The following PARPBP variants were observed in gnomAD, a reference collection of about 807,000 sequenced individuals.
PARPBP encodes the protein PCNA-interacting partner.
Under a neutral mutation model 50.0 loss-of-function variants are expected in PARPBP, and 52 were observed. The ratio of observed to expected loss-of-function variants is 1.04; its 90% CI spans 0.83 to 1.31. PARPBP has a LOEUF of 1.31. PARPBP is among the 50% of genes most tolerant of loss of function. The pLI, the probability that PARPBP is intolerant of heterozygous loss-of-function variation, is 0.00. For missense variants in PARPBP, 697 were observed against 672.0 expected (o/e 1.04, Z -0.41); for synonymous variants, 244 against 232.1 (o/e 1.05, Z -0.47).
At chr12:102,148,939 C>A (rs1193360564) in intron 3 of PARPBP, 1 of 152,140 alleles carries the variant, frequency 6.6e-6, no homozygotes, top group Non-Finnish European at 1.5e-5. Flanking sequence ...ATAGACTATT[C>A]TTTTTTTGCA....
intron 9 of PARPBP, among the ~76,000 whole-genome samples, chr12:102,188,485 C>G (rs1890512062): frequency 6.6e-6 from 1 of 152,086 alleles, no homozygotes; most frequent in Admixed American, 6.6e-5. Context: ...TGCAACCCAG[C>G]TCTGATGCAG....
chr12:102,193,875 A>T (rs1891025505), intron 9 of PARPBP, among the ~76,000 whole-genome samples: 1 of 151,968 alleles, frequency 6.6e-6, no homozygotes, highest in South Asian at 2.1e-4. Flanking sequence ...TTCAACTTTT[A>T]AAAAAATAGT....
At chr12:102,172,076 G>A (rs1888810811) in intron 6 of PARPBP, among the ~76,000 whole-genome samples, 1 of 152,154 alleles carries the variant, frequency 6.6e-6, no homozygotes, top group African/African-American at 2.4e-5. Context: ...TTATTGCTTA[G>A]TGTTCTCTTC....
chr12:102,195,894 T>C lies in PARPBP; in HGVS notation c.1400-57T>C, dbSNP rs1891266210. 3.6e-6 allele frequency: 4 copies of C among 1,126,088 alleles called. No individual in the cohort carries two copies. In the South Asian group the frequency reaches 4.9e-5, roughly 14 times the overall value. The allele number at this position is 1,126,088 out of a possible 1,614,324, so 69.8% of individuals were successfully genotyped here. A position where few individuals can be genotyped will look rare whatever the true frequency, so the allele number is the denominator to read the frequency against. Reference sequence around the variant, plus strand: ...TTTAAAGTTTATTGTAAAGTTCTCGTAAATATTAATACTCAATATCATGTA... The same window carrying C: ...TTTAAAGTTTATTGTAAAGTTCTCGCAAATATTAATACTCAATATCATGTA... On this transcript the variant is annotated intron_variant, in intron 10 of 10. Transcript: ENST00000327680.
At chr12:102,158,734 T>C (rs1310158448) in intron 4 of PARPBP, among the ~76,000 whole-genome samples, 1 of 152,216 alleles carries the variant, frequency 6.6e-6, no homozygotes, top group Non-Finnish European at 1.5e-5. Flanking sequence ...GGTAGATTAC[T>C]TAAAGATCTC....
chr12:102,152,917 T>C (rs1203318916), intron 3 of PARPBP, among the ~76,000 whole-genome samples: 1 of 109,674 alleles, frequency 9.1e-6, no homozygotes, highest in Non-Finnish European at 1.9e-5. Flanking sequence ...ATTTTCCAAG[T>C]AGAAGAACAG....
At chr12:102,152,254 T>A (rs1355567065) in intron 3 of PARPBP, among the ~76,000 whole-genome samples, 2 of 152,096 alleles carry the variant, frequency 1.3e-5, no homozygotes, top group East Asian at 3.9e-4. Flanking sequence ...CATAATATAG[T>A]CTAAGTCCAT....
chr12:102,187,549 A>T (rs1470869745), intron 9 of PARPBP, among the ~76,000 whole-genome samples: 2 of 152,152 alleles, frequency 1.3e-5, no homozygotes, highest in South Asian at 2.1e-4. Context: ...AGATGAAGTG[A>T]ACCTTCCTCT....
At chr12:102,154,042 T>C (rs911932730) in intron 4 of PARPBP, 66 bp downstream of exon 4, 3 of 960,610 alleles carry the variant, frequency 3.1e-6, no homozygotes, top group African/African-American at 1.6e-5. Context: ...AATTTGGTGG[T>C]ACCTTAAAGT....
At position 102,147,168 on chromosome 12, in the gene PARPBP, C is replaced by CAA. The variant is rs1285322174; in HGVS notation, c.154-1062_154-1061insAA. ...TGTGGAAGTCAGTGTGGCTATTCCT[C>CAA]GGATCTAGAACTAGAAATACCATTT... On this transcript the variant is annotated intron_variant, in intron 2 of 10. Coordinates refer to ENST00000327680, the MANE Select transcript of PARPBP (RefSeq NM_017915.5). Among the ~76,000 whole-genome samples the CAA allele has an allele frequency of 2.0e-5, 3 of 151,028 alleles. No homozygotes were observed. The South Asian group carries it at 6.2e-4, about 31-fold the overall frequency.
chr12:102,150,457 G>A (rs1204004741), intron 3 of PARPBP: 3 of 336,670 alleles, frequency 8.9e-6, no homozygotes, highest in African/African-American at 6.7e-5. Flanking sequence ...TTTCATATTT[G>A]TTGTAGCTGA....
intron 9 of PARPBP, among the ~76,000 whole-genome samples, chr12:102,188,405 G>A (rs142362352): frequency 9.9e-5 from 15 of 152,124 alleles, no homozygotes; most frequent in East Asian, 1.9e-4. Flanking sequence ...TACAAGGCTC[G>A]CAGTTGAAAG....
chr12:102,143,275 C>A (rs1268142386), intron 2 of PARPBP, among the ~76,000 whole-genome samples: 1 of 152,170 alleles, frequency 6.6e-6, no homozygotes, highest in Non-Finnish European at 1.5e-5. Flanking sequence ...GGGCGTGGGA[C>A]CCTCTTAGCA....
At chr12:102,192,086 CGTT>C (rs1283818192) in intron 9 of PARPBP, among the ~76,000 whole-genome samples, 1 of 151,962 alleles carries the variant, frequency 6.6e-6, no homozygotes, top group Non-Finnish European at 1.5e-5. Flanking sequence ...ATGTAGGTTG[CGTT>C]GTTTAAATAA....
intron 2 of PARPBP, among the ~76,000 whole-genome samples, chr12:102,137,049 G>C (rs555356223): frequency 1.4e-4 from 22 of 152,078 alleles, no homozygotes; most frequent in Non-Finnish European, 2.9e-4. Flanking sequence ...CCGCCTCCTG[G>C]GTTCATGCCA....
chr12:102,153,214 C>T (rs1886444911), intron 3 of PARPBP, among the ~76,000 whole-genome samples: 1 of 152,180 alleles, frequency 6.6e-6, no homozygotes, highest in African/African-American at 2.4e-5. Flanking sequence ...TCTGCCTCCA[C>T]CAATCAGCAG....
intron 2 of PARPBP, among the ~76,000 whole-genome samples, chr12:102,130,785 G>T (rs1882725520): frequency 1.3e-5 from 2 of 151,732 alleles, no homozygotes; most frequent in Admixed American, 6.6e-5. Flanking sequence ...AACCTGGGAG[G>T]CAGAGGTTGC....
intron 1 of PARPBP, among the ~76,000 whole-genome samples, chr12:102,121,838 A>G (rs1881179022): frequency 2.0e-5 from 3 of 152,146 alleles, no homozygotes; most frequent in Admixed American, 6.5e-5. Flanking sequence ...TGCCCAGGCA[A>G]TGCTCTTTTA....
chr12:102,151,694 C>G, intron 3 of PARPBP: 1 of 1,535,662 alleles, frequency 6.5e-7, no homozygotes, highest in Non-Finnish European at 8.7e-7. Context: ...AAGGGAGAGT[C>G]CCTCTTAGCA....
Sources: allele counts gnomAD v4.1 joint callset (sites outside exome capture counted in the v4.1 genomes callset), GRCh38; gene constraint gnomAD v4.1.1; transcripts MANE v1.5; gene names NCBI Gene and HGNC (gene_info 2026-07-23, HGNC 2026-07-21).